Variants in AIM2 observed in about 807,000 individuals in gnomAD.
AIM2 encodes absent in melanoma 2, also known as interferon-inducible protein AIM2.
In AIM2, 30 loss-of-function variants were observed where a neutral mutation model predicts 27.7. The observed-to-expected ratio is 1.08, with a 90% CI of 0.81 to 1.47. The LOEUF is 1.47. AIM2 is among the 40% of genes most tolerant of loss of function. AIM2 has a pLI of 0.00. For missense variants in AIM2, 358 were observed against 411.3 expected (o/e 0.87, Z 1.12); for synonymous variants, 141 against 145.3 (o/e 0.97, Z 0.21).
upstream of AIM2, among the ~76,000 whole-genome samples, chr1:159,144,284 A>C (rs941610257): frequency 3.3e-5 from 5 of 152,038 alleles, no homozygotes; most frequent in Non-Finnish European, 2.9e-5. Context: ...AATGCCCCCC[A>C]CCAACAAGTG....
At chr1:159,126,987 T>C (rs1007001078) in intron 1 of AIM2, among the ~76,000 whole-genome samples, 4 of 152,106 alleles carry the variant, frequency 2.6e-5, no homozygotes, top group African/African-American at 4.8e-5. Context: ...CAAAAACAAC[T>C]CATATAAGAA....
At chr1:159,105,411 G>T (rs575815703) in intron 1 of AIM2, among the ~76,000 whole-genome samples, 16 of 149,406 alleles carry the variant, frequency 1.1e-4, no homozygotes, top group South Asian at 4.2e-4. Context: ...CATAGTGAGT[G>T]GGGGGGCATG....
the AIM2 span, among the ~76,000 whole-genome samples, chr1:159,055,557 T>A: frequency 6.6e-6 from 1 of 152,222 alleles, no homozygotes; most frequent in Non-Finnish European, 1.5e-5. Flanking sequence ...ATGTGAAATA[T>A]CTGGTTTTAT....
chr1:159,098,567 C>T (rs911263340), intron 1 of AIM2, among the ~76,000 whole-genome samples: 7 of 151,940 alleles, frequency 4.6e-5, no homozygotes, highest in Non-Finnish European at 1.5e-5. Context: ...TATTGCTGAC[C>T]TAGAGAAAGA....
At chr1:159,078,484 G>T (rs1656691043), upstream of AIM2, among the ~76,000 whole-genome samples, 1 of 152,206 alleles carries the variant, frequency 6.6e-6, no homozygotes, top group Non-Finnish European at 1.5e-5. Context: ...ACGAGAGAAA[G>T]CTCCCTGTTG....
chr1:159,058,610 C>G (rs989258061), downstream of AIM2, among the ~76,000 whole-genome samples: 3 of 152,030 alleles, frequency 2.0e-5, no homozygotes, highest in Non-Finnish European at 4.4e-5. Context: ...CATGATTTCC[C>G]CTACCCTCAG....
intron 3 of AIM2, 27 bp from the exon 4 acceptor site, chr1:159,066,356 G>T (rs371095332): frequency 1.4e-5 from 22 of 1,583,192 alleles, no homozygotes; most frequent in Middle Eastern, 3.4e-4. Flanking sequence ...AAAGATATCA[G>T]CTGTGAGTCA....
Position 159,083,705 on chromosome 1 carries a change from A to T in AIM2, c.-15-17376T>A, listed in dbSNP as rs117687232. 2.3e-3 allele frequency among the ~76,000 whole-genome samples: 346 copies of T among 152,328 alleles called. 9 individuals carry two copies. The East Asian group carries it at 0.059, about 26-fold the overall frequency. ...CTAAGGATCTACATTCTACACCATTAATCCAAATATGACCTATGATAAAAT... is the reference window on the plus strand; with the variant it reads ...CTAAGGATCTACATTCTACACCATTTATCCAAATATGACCTATGATAAAAT... On this transcript the variant is annotated intron_variant, in intron 1 of 2. Coordinates refer to the AIM2 transcript ENST00000368129.
chr1:159,105,391 T>C (rs557381756), intron 1 of AIM2, among the ~76,000 whole-genome samples: 2 of 152,292 alleles, frequency 1.3e-5, no homozygotes, highest in African/African-American at 4.8e-5. Context: ...CTCTTTCTCA[T>C]AGCCTGCAAC....
chr1:159,133,932 G>A (rs143469960), intron 1 of AIM2, among the ~76,000 whole-genome samples: 16 of 152,200 alleles, frequency 1.1e-4, no homozygotes, highest in African/African-American at 3.4e-4. Flanking sequence ...GTTCAGACCT[G>A]ACCTGACTCT....
At chr1:159,143,195 C>A (rs1648144246), upstream of AIM2, among the ~76,000 whole-genome samples, 1 of 152,136 alleles carries the variant, frequency 6.6e-6, no homozygotes, top group African/African-American at 2.4e-5. Context: ...TTCATATAGC[C>A]CTAGGAATGA....
chr1:159,059,492 C>A (rs1383065757), downstream of AIM2, among the ~76,000 whole-genome samples: 2 of 152,178 alleles, frequency 1.3e-5, no homozygotes, highest in Non-Finnish European at 2.9e-5. Context: ...ACTAAGATGT[C>A]ATAGACTGCT....
intron 1 of AIM2, among the ~76,000 whole-genome samples, chr1:159,085,246 A>G (rs931555735): frequency 2.0e-5 from 3 of 149,908 alleles, no homozygotes; most frequent in African/African-American, 7.3e-5. Context: ...GGGCTGCAAG[A>G]AAAAAAAAAT....
intron 1 of AIM2, among the ~76,000 whole-genome samples, chr1:159,133,238 C>A (rs1647940709): frequency 6.6e-6 from 1 of 152,068 alleles, no homozygotes; most frequent in Non-Finnish European, 1.5e-5. Context: ...TTCACAGAAA[C>A]TCAAGTATCT....
chr1:159,118,478 C>T (rs1647443075), intron 1 of AIM2, among the ~76,000 whole-genome samples: 1 of 152,138 alleles, frequency 6.6e-6, no homozygotes, highest in African/African-American at 2.4e-5. Flanking sequence ...CTTCATAATG[C>T]ATTACCTCAG....
chr1:159,136,274 C>A (rs1415633605), intron 1 of AIM2, among the ~76,000 whole-genome samples: 1 of 152,174 alleles, frequency 6.6e-6, no homozygotes, highest in Non-Finnish European at 1.5e-5. Context: ...TTGATCCATA[C>A]AATCTGAAGG....
At chr1:159,109,332 G>A (rs1191701850) in intron 1 of AIM2, among the ~76,000 whole-genome samples, 1 of 152,194 alleles carries the variant, frequency 6.6e-6, no homozygotes, top group African/African-American at 2.4e-5. Flanking sequence ...TCAACAAATG[G>A]TACTGGGCTA....
At chr1:159,080,203 C>A (rs1382117776), upstream of AIM2, among the ~76,000 whole-genome samples, 5 of 152,090 alleles carry the variant, frequency 3.3e-5, no homozygotes, top group Non-Finnish European at 7.4e-5. Flanking sequence ...TCAAGGAATG[C>A]AATTGCTGTG....
chr1:159,111,880 ATCT>A, intron 1 of AIM2, among the ~76,000 whole-genome samples: 1 of 150,266 alleles, frequency 6.7e-6, no homozygotes, highest in African/African-American at 2.5e-5. Flanking sequence ...CTATCTATCT[ATCT>A]ATACATATAT....
Sources: gnomAD v4.1 joint callset for allele counts (sites outside exome capture counted in the v4.1 genomes callset) on GRCh38, gnomAD v4.1.1 for gene constraint, MANE v1.5 for transcripts, NCBI Gene and HGNC (gene_info 2026-07-23, HGNC 2026-07-21) for gene names.